ODAD4: variants seen among roughly 807,000 people sequenced by gnomAD.
ODAD4 encodes outer dynein arm docking complex subunit 4.
A neutral mutation model predicts 51.8 loss-of-function variants in ODAD4; 49 were observed. The observed-to-expected ratio is 0.95, with a 90% confidence interval of 0.75 to 1.20. ODAD4 has a LOEUF of 1.20. Among genes scored for constraint, ODAD4 ranks in the 50% most tolerant of loss-of-function variants. The pLI, the probability that ODAD4 is intolerant of heterozygous loss-of-function variation, is 0.00. For synonymous variants in ODAD4, 235 were observed against 221.3 expected (o/e 1.06, Z -0.55); for missense variants, 590 against 586.5 (o/e 1.01, Z -0.06).
At chr17:41,936,597 G>T in intron 4 of ODAD4, 63 bp downstream of exon 4, 1 of 1,540,944 alleles carries the variant, frequency 6.5e-7, no homozygotes, top group South Asian at 1.1e-5. Context: ...GCCTGAGAAG[G>T]GGTCTTGGGA....
At chr17:41,963,928 CCT>C (rs2050839814) in intron 11 of ODAD4, among the ~76,000 whole-genome samples, 1 of 151,280 alleles carries the variant, frequency 6.6e-6, no homozygotes, top group African/African-American at 2.4e-5. Context: ...TGGAGTCTCC[CCT>C]CTGTTACCCA....
rs906340032 is a variant in ODAD4 at position 41,960,880 on chromosome 17, C to T, written c.1444-502C>T. ...GAGCAAGAAGGCAAGACCTGCCCTC[C>T]AGAGGCTCACAGGGGCTCCAGGCCC... On this transcript the variant is annotated intron_variant, in intron 10 of 11. Transcript: ENST00000377540. Among the ~76,000 whole-genome samples, 8 of 152,322 alleles carry T rather than the reference C, an allele frequency of 5.3e-5. No individual in the cohort carries two copies. In the South Asian group the frequency reaches 8.3e-4, roughly 16 times the overall value.
intron 11 of ODAD4, 51 bp downstream of exon 11, chr17:41,961,517 T>G (rs2050806252): frequency 2.8e-6 from 2 of 716,952 alleles, no homozygotes; most frequent in Admixed American, 2.0e-5. Context: ...CCCTCTGCTT[T>G]CTTTTCCTCT....
chr17:41,954,681 T>C (rs1555640738), intron 9 of ODAD4, among the ~76,000 whole-genome samples: 1 of 151,692 alleles, frequency 6.6e-6, no homozygotes, highest in Non-Finnish European at 1.5e-5. Context: ...CGAAACCCCA[T>C]CTCTACTTAA....
intron 5 of ODAD4, chr17:41,937,170 C>T: frequency 2.1e-6 from 1 of 477,278 alleles, no homozygotes; most frequent in Non-Finnish European, 3.8e-6. Flanking sequence ...AATTTTAGAG[C>T]AATGCTCCTA....
At chr17:41,958,258 A>G (rs916888695) in intron 10 of ODAD4, among the ~76,000 whole-genome samples, 6 of 152,096 alleles carry the variant, frequency 3.9e-5, no homozygotes, top group African/African-American at 1.2e-4. Flanking sequence ...CCCTCACATC[A>G]GGTTTCACAG....
chr17:41,946,238 A>T (rs1555639512), intron 8 of ODAD4, among the ~76,000 whole-genome samples: 1 of 152,216 alleles, frequency 6.6e-6, no homozygotes, highest in Admixed American at 6.5e-5. Context: ...CCTGGCACCT[A>T]CATTCAGTTA....
rs781987336 is a variant in ODAD4, at chr17:41,938,642, C to A, written c.711C>A (p.Asn237Lys). ...TCAACTACCTGGATACTCACAGCAA[C>A]TTCTGGAGGCAGCAGAAGCCGATCT... is the stretch of plus-strand genomic sequence containing the variant. ...TGINYLDTHS[N>K]FWRQQKPIYA... is the part of the protein sequence containing the mutation. The change falls in exon 6 of 12, where the codon AAC becomes AAA. Residue 237 changes from asparagine (N) to lysine (K), a missense_variant. By Grantham distance (94) the Asn-to-Lys change is moderately conservative. This residue lies in a region of ODAD4 where 360 missense variants were observed against 407.5 expected (regional missense o/e 0.88). Coordinates refer to ENST00000377540, the MANE Select transcript of ODAD4 (RefSeq NM_031421.5). 1 of 1,613,890 alleles carries A rather than the reference C, an allele frequency of 6.2e-7. No individual in the cohort carries two copies.
At chr17:41,957,227 C>G (rs782279562) in intron 10 of ODAD4, among the ~76,000 whole-genome samples, 1 of 152,116 alleles carries the variant, frequency 6.6e-6, no homozygotes, top group Non-Finnish European at 1.5e-5. Context: ...AGTCCCCAAG[C>G]TTTTTGGCAC....
chr17:41,930,839 T>G lies in ODAD4; in HGVS notation c.114+2T>G. The G allele has an allele frequency of 6.5e-7, 1 of 1,533,318 alleles. No individual in the cohort carries two copies. The highest frequency in any genetic ancestry group is 8.9e-7 in the Non-Finnish European group (1 of 1,128,402). 95.0% of individuals were successfully genotyped at this position (1,533,318 alleles called of 1,614,324 possible). A position where few individuals can be genotyped will look rare whatever the true frequency, so the allele number is the denominator to read the frequency against. ...AAAGCCGCGCAGAGCTTCAGCAACG[T>G]GAGTCGAGCTCTCAACCTATCCATC... On this transcript the variant is annotated splice_donor_variant, in intron 1 of 11. Transcript: ENST00000377540. LOFTEE classifies it high-confidence loss of function.
Position 41,938,671 on chromosome 17 carries a change from C to A in ODAD4, c.740C>A (p.Ala247Asp). The change falls in exon 6 of 12, where the codon GCC becomes GAC. Residue 247 changes from alanine (A) to aspartate (D), a missense_variant. Physicochemically the swap from Ala to Asp is moderately radical, Grantham distance 126. Coordinates refer to ENST00000377540, the MANE Select transcript of ODAD4 (RefSeq NM_031421.5). ...NFWRQQKPIY[A>D]RERDRKLMQE... is the part of the protein sequence containing the mutation. ...TGGAGGCAGCAGAAGCCGATCTACG[C>A]CAGGGAGCGGGACCGGAAGCTGATG... 1 of 1,613,978 alleles carries A rather than the reference C, an allele frequency of 6.2e-7. No individual in the cohort carries two copies. The highest frequency in any genetic ancestry group is 8.5e-7 in the Non-Finnish European group (1 of 1,179,910).
At chr17:41,938,525 C>T (rs1555638166) in intron 5 of ODAD4, 32 bp from the exon 6 acceptor site, 3 of 1,589,908 alleles carry the variant, frequency 1.9e-6, no homozygotes, top group Non-Finnish European at 1.7e-6. Context: ...GGCCTGTTCT[C>T]CTTGGCGCCT....
In ODAD4 at chr17:41,938,543, C is replaced by A. The variant is rs988593405; in HGVS notation, c.626-14C>A. 3 of 1,611,158 alleles carry A rather than the reference C, an allele frequency of 1.9e-6. No homozygotes were observed. Among genetic ancestry groups the A allele is most frequent in the Non-Finnish European group, 2.5e-6 (3 of 1,177,998 alleles). On this transcript the variant is annotated splice_polypyrimidine_tract_variant and intron_variant, in intron 5 of 11. Transcript: ENST00000377540. The stretch of plus-strand genomic sequence containing the variant: ...CTGTTCTCCTTGGCGCCTCCTCACA[C>A]CCCTTCCCCACAGACCTGATCAAAG...
intron 8 of ODAD4, among the ~76,000 whole-genome samples, chr17:41,948,380 G>A (rs1788534283): frequency 6.9e-6 from 1 of 145,802 alleles, no homozygotes; most frequent in Non-Finnish European, 1.5e-5. Context: ...GCAGTGGCAC[G>A]ATTATAGCTC....
At chr17:41,956,416 C>T (rs2050733619) in intron 10 of ODAD4, among the ~76,000 whole-genome samples, 1 of 150,620 alleles carries the variant, frequency 6.6e-6, no homozygotes, top group African/African-American at 2.4e-5. Flanking sequence ...GAACTCCTGA[C>T]CTTAGGTGAT....
At chr17:41,940,808 T>A (rs1467578426) in intron 7 of ODAD4, among the ~76,000 whole-genome samples, 1 of 152,224 alleles carries the variant, frequency 6.6e-6, no homozygotes, top group African/African-American at 2.4e-5. Context: ...CAGACCTCTC[T>A]CCTGAGCCTC....
intron 8 of ODAD4, among the ~76,000 whole-genome samples, chr17:41,945,835 AG>A (rs2050578008): frequency 1.3e-5 from 2 of 152,146 alleles, no homozygotes; most frequent in African/African-American, 4.8e-5. Flanking sequence ...CGGAAGGCGG[AG>A]GTTGCAGTGA....
intron 7 of ODAD4, among the ~76,000 whole-genome samples, chr17:41,944,432 ACACACACACACACCCC>A (rs1377276728): frequency 1.8e-4 from 2 of 10,888 alleles, no homozygotes; most frequent in African/African-American, 2.6e-4. Context: ...ACACACACAC[ACACACACACACACCCC>A]CCCGCATACA....
intron 10 of ODAD4, among the ~76,000 whole-genome samples, chr17:41,957,197 C>T (rs2050744804): frequency 6.6e-6 from 1 of 152,092 alleles, no homozygotes; most frequent in Admixed American, 6.6e-5. Context: ...TGTACCCAGC[C>T]CTCATTTTCT....
Sources: gnomAD v4.1 joint callset for allele counts (sites outside exome capture counted in the v4.1 genomes callset) on GRCh38, gnomAD v4.1.1 for gene constraint, gnomAD v4.1.1 regional missense constraint, MANE v1.5 for transcripts, NCBI Gene and HGNC (gene_info 2026-07-23, HGNC 2026-07-21) for gene names.